PTPRC: variants seen among roughly 807,000 people sequenced by gnomAD.
PTPRC encodes protein tyrosine phosphatase receptor type C.
Under a neutral mutation model 155.9 loss-of-function variants are expected in PTPRC, and 44 were observed. The observed-to-expected ratio is 0.28, with a 90% CI of 0.22 to 0.36. The LOEUF is 0.36. Among genes scored for constraint, PTPRC ranks in the 10% least tolerant of loss-of-function variants. The probability of loss-of-function intolerance (pLI) is 1.00; values close to 1 mark genes in which losing one functional copy is unlikely to be tolerated. For synonymous variants in PTPRC, 525 were observed against 533.1 expected, an observed-to-expected ratio of 0.98 and a Z score of 0.21; for missense variants, 1,401 against 1,564.6, an observed-to-expected ratio of 0.90 and a Z score of 1.76.
chr1:198,643,730 C>T (rs1662774581), intron 2 of PTPRC, among the ~76,000 whole-genome samples: 1 of 151,862 alleles, frequency 6.6e-6, no homozygotes, highest in African/African-American at 2.4e-5. Flanking sequence ...TTCAGATACA[C>T]ATACCCATAG....
chr1:198,692,749 G>C (rs1665996089), intron 3 of PTPRC: 1 of 926,906 alleles, frequency 1.1e-6, no homozygotes, highest in African/African-American at 1.8e-5. Flanking sequence ...GTATGTTATA[G>C]ATATGTAGAT....
chr1:198,645,661 T>C (rs1159874488), intron 2 of PTPRC, among the ~76,000 whole-genome samples: 1 of 151,812 alleles, frequency 6.6e-6, no homozygotes, highest in Non-Finnish European at 1.5e-5. Flanking sequence ...CCTTTTAGCA[T>C]AAACTTGATT....
At chr1:198,660,885 C>G (rs1038143201) in intron 2 of PTPRC, among the ~76,000 whole-genome samples, 7 of 152,136 alleles carry the variant, frequency 4.6e-5, no homozygotes, top group Non-Finnish European at 8.8e-5. Flanking sequence ...ACATGCTTAG[C>G]TGCTAACTTT....
At chr1:198,725,777 T>C (rs1044472414) in intron 15 of PTPRC, among the ~76,000 whole-genome samples, 1 of 152,208 alleles carries the variant, frequency 6.6e-6, no homozygotes, top group Non-Finnish European at 1.5e-5. Context: ...TTCTGACCCA[T>C]GATTCACATT....
rs1426751800 is a variant in PTPRC, at chr1:198,749,500, A to G, written c.3023A>G (p.Asp1008Gly). 1 of 1,610,326 alleles carries G rather than the reference A, an allele frequency of 6.2e-7. No individual in the cohort carries two copies. Among genetic ancestry groups the G allele is most frequent in the Non-Finnish European group, 8.5e-7 (1 of 1,177,576 alleles). ...EHDSDESSDD[D>G]SDSEEPSKYI... ...GATTCAGATGAATCCTCTGATGATGACAGTGATTCAGAGGAACCAAGCAAA... is the reference window on the plus strand; with the variant it reads ...GATTCAGATGAATCCTCTGATGATGGCAGTGATTCAGAGGAACCAAGCAAA... Residue 1008 changes from aspartate (D) to glycine (G), a missense_variant, in exon 28 of 33, where the codon GAC becomes GGC. By Grantham distance (94) the Asp-to-Gly change is moderately conservative. This residue lies in a region of PTPRC where 400 missense variants were observed against 389.5 expected (regional missense o/e 1.03). Transcript: ENST00000442510.
chr1:198,716,723 G>T lies in PTPRC; in HGVS notation c.1333G>T (p.Asp445Tyr). Residue 445 changes from aspartate to tyrosine, a missense_variant, in exon 13 of 33, where the codon GAT becomes TAT. By Grantham distance (160) the Asp-to-Tyr change is radical (BLOSUM62 -3). Around this residue, in one of 3 missense-constraint regions of PTPRC, gnomAD observed 867 missense variants for 970.4 expected, o/e 0.89. Coordinates refer to ENST00000442510, the MANE Select transcript of PTPRC (RefSeq NM_002838.5). Reference sequence around the variant, plus strand: ...TCTGGATAAAAACCTGATCAAATATGATTTGCAAAATTTAAAACCTTATAC... The same window carrying T: ...TCTGGATAAAAACCTGATCAAATATTATTTGCAAAATTTAAAACCTTATAC... ...LNLDKNLIKY[D>Y]LQNLKPYTKY... 1 of 1,612,262 alleles carries T rather than the reference G, an allele frequency of 6.2e-7. No homozygotes were observed. The highest frequency in any genetic ancestry group is 2.2e-5 in the East Asian group (1 of 44,796).
intron 2 of PTPRC, among the ~76,000 whole-genome samples, chr1:198,651,020 G>A (rs1357808349): frequency 1.3e-5 from 2 of 151,722 alleles, no homozygotes; most frequent in Admixed American, 1.3e-4. Flanking sequence ...TGTTACAAAA[G>A]TAATATTAAG....
In PTPRC at chr1:198,756,427, G is replaced by A. The variant is rs999077280; in HGVS notation, c.*246G>A. 3.5e-5 allele frequency: 18 copies of A among 520,414 alleles called. No homozygotes were observed. In the East Asian group the frequency reaches 3.9e-4, roughly 11 times the overall value. The allele number at this position is 520,414 out of a possible 1,614,324, so 32.2% of individuals were successfully genotyped here. On this transcript the variant is annotated 3_prime_UTR_variant, in exon 33 of 33. Transcript: ENST00000442510. Reference sequence around the variant, plus strand: ...AGTAAAAAACAACTTCTTTGTAATCGTTATGTGTGTATATGTATGTGTGTA... The same window carrying A: ...AGTAAAAAACAACTTCTTTGTAATCATTATGTGTGTATATGTATGTGTGTA...
intron 15 of PTPRC, among the ~76,000 whole-genome samples, chr1:198,727,140 G>C (rs1180178375): frequency 6.6e-6 from 1 of 151,872 alleles, no homozygotes; most frequent in Non-Finnish European, 1.5e-5. Context: ...GGGTTACAGG[G>C]GTAAGCCACT....
In PTPRC at chr1:198,756,104, G is replaced by C. The variant is rs200950466; in HGVS notation, c.3844G>C (p.Glu1282Gln). Residue 1282 changes from glutamate (E) to glutamine (Q), a missense_variant, in exon 33 of 33, where the codon GAA becomes CAA. By Grantham distance (29) the Glu-to-Gln change is conservative. This residue lies in a region of PTPRC where 400 missense variants were observed against 389.5 expected (regional missense o/e 1.03). Transcript: ENST00000442510. Reference sequence around the variant, plus strand: ...AGCAAAGGAACAGGCTGAAGGTTCTGAACCCACGAGTGGCACTGAGGGGCC... The same window carrying C: ...AGCAAAGGAACAGGCTGAAGGTTCTCAACCCACGAGTGGCACTGAGGGGCC... ...PEAKEQAEGS[E>Q]PTSGTEGPEH... is the part of the protein sequence containing the mutation. The C allele has an allele frequency of 5.9e-5, 95 of 1,613,282 alleles. No individual in the cohort carries two copies. Among genetic ancestry groups the C allele is most frequent in the Middle Eastern group, 1.6e-4 (1 of 6,074 alleles).
chr1:198,653,521 A>G (rs1663373150), intron 2 of PTPRC, among the ~76,000 whole-genome samples: 2 of 152,004 alleles, frequency 1.3e-5, no homozygotes, highest in East Asian at 1.9e-4. Context: ...ACCACTGTCA[A>G]CATGAACTCC....
intron 2 of PTPRC, among the ~76,000 whole-genome samples, chr1:198,652,375 A>G (rs758342215): frequency 2.0e-5 from 3 of 151,872 alleles, no homozygotes; most frequent in Non-Finnish European, 4.4e-5. Flanking sequence ...TGTGAGAAGC[A>G]GATAATCGTG....
chr1:198,699,479 G>T, intron 4 of PTPRC, 85 bp from the exon 5 acceptor site: 12 of 1,484,268 alleles, frequency 8.1e-6, no homozygotes, highest in Non-Finnish European at 1.1e-5. Flanking sequence ...AACTATAATC[G>T]CAATTTGCTC....
chr1:198,699,701 T>G lies in PTPRC; in HGVS notation c.436T>G (p.Ser146Ala). Residue 146 changes from serine (S) to alanine (A), a missense_variant, in exon 5 of 33, where the codon TCA becomes GCA. Ser to Ala is a moderately conservative substitution (Grantham distance 99, BLOSUM62 1). Coordinates refer to ENST00000442510, the MANE Select transcript of PTPRC (RefSeq NM_002838.5). ...CCCTACCCCAGGCAGCAATGCTATC[T>G]CAGGTTTGCGGGTCCTTTAGACTTG... ...LNPTPGSNAI[S>A]DVPGERSTAS... The G allele has an allele frequency of 6.2e-7, 1 of 1,614,174 alleles. No homozygotes were observed. Among genetic ancestry groups the G allele is most frequent in the Non-Finnish European group, 8.5e-7 (1 of 1,180,024 alleles).
chr1:198,741,513 C>T (rs574748467), intron 23 of PTPRC, among the ~76,000 whole-genome samples: 17 of 151,870 alleles, frequency 1.1e-4, no homozygotes, highest in Admixed American at 3.3e-4. Context: ...CCATGCACCC[C>T]ACTTTTATGG....
intron 2 of PTPRC, chr1:198,657,710 C>T (rs1195099731): frequency 6.6e-6 from 1 of 152,082 alleles, no homozygotes; most frequent in Non-Finnish European, 1.5e-5. Context: ...CCCATTCTTG[C>T]TAAATATTCT....
At chr1:198,665,310 C>A (rs570053345) in intron 2 of PTPRC, among the ~76,000 whole-genome samples, 70 of 151,008 alleles carry the variant, frequency 4.6e-4, no homozygotes, top group African/African-American at 1.7e-3. Flanking sequence ...CACCGCCCTG[C>A]TGCCTTTTAA....
chr1:198,752,241 T>C lies in PTPRC; in HGVS notation c.3208-8T>C, dbSNP rs201210714. 6.6e-5 allele frequency: 107 copies of C among 1,610,356 alleles called. No homozygotes were observed. Among genetic ancestry groups the C allele is most frequent in the Middle Eastern group, 1.6e-4 (1 of 6,072 alleles). ...AAACAAATTGTTGAATTGTCTTCTT[T>C]TATCTAGGAAATCTGTGCTCAGTAC... is the stretch of plus-strand genomic sequence containing the variant. On this transcript the variant is annotated splice_polypyrimidine_tract_variant and splice_region_variant and intron_variant, in intron 29 of 32. Coordinates refer to ENST00000442510, the MANE Select transcript of PTPRC (RefSeq NM_002838.5).
At chr1:198,650,415 G>A (rs1394669337) in intron 2 of PTPRC, among the ~76,000 whole-genome samples, 1 of 151,834 alleles carries the variant, frequency 6.6e-6, no homozygotes, top group Non-Finnish European at 1.5e-5. Context: ...TCTGGACCAA[G>A]TGTTGGCAGT....
Sources: allele counts gnomAD v4.1 joint callset (sites outside exome capture counted in the v4.1 genomes callset), GRCh38; gene constraint gnomAD v4.1.1; regional missense constraint gnomAD v4.1.1; transcripts MANE v1.5; gene names NCBI Gene and HGNC (gene_info 2026-07-23, HGNC 2026-07-21).